Variants in BACC1 observed in about 807,000 individuals in gnomAD.
BACC1 encodes the protein BPTF associated chromatin complex component 1, also known as BPTF-associated chromatin complex component 1.
chr17:7,015,314 G>T, the BACC1 span: 1 of 1,379,622 alleles, frequency 7.2e-7, no homozygotes, highest in Non-Finnish European at 9.3e-7. Context: ...GTGAGGGAAT[G>T]AATGACAGAT....
chr17:7,016,810 G>T, the BACC1 span: 2 of 1,524,270 alleles, frequency 1.3e-6, no homozygotes, highest in Non-Finnish European at 1.8e-6. Flanking sequence ...CCAGAGAGGG[G>T]CAGAGGGGAG....
chr17:7,015,196 G>A, the BACC1 span: 1 of 1,531,150 alleles, frequency 6.5e-7, no homozygotes, highest in South Asian at 1.2e-5. Flanking sequence ...CTGAGAGCGG[G>A]CGCTTGGACT....
chr17:7,016,075 C>A, the BACC1 span: 107 of 568,770 alleles, frequency 1.9e-4, no homozygotes, highest in Non-Finnish European at 3.2e-4. Flanking sequence ...GTAATCCTTC[C>A]AAGAATGTGA....
chr17:7,016,328 C>T, the BACC1 span: 1 of 673,116 alleles, frequency 1.5e-6, no homozygotes, highest in Non-Finnish European at 2.5e-6. Context: ...ACACTCCATC[C>T]ATCCTGAGTG....
chr17:7,015,070 GAT>G, the BACC1 span: 4 of 1,557,408 alleles, frequency 2.6e-6, no homozygotes, highest in Non-Finnish European at 3.4e-6. Flanking sequence ...AGGTCGGAGA[GAT>G]CTTCTCGGCG....
the BACC1 span, chr17:7,016,377 G>A: frequency 6.1e-6 from 7 of 1,153,504 alleles, no homozygotes; most frequent in East Asian, 9.5e-5. Context: ...CTACCAATGG[G>A]TTGGGGCCCC....
the BACC1 span, chr17:7,016,887 C>A: frequency 8.1e-6 from 13 of 1,600,850 alleles, no homozygotes; most frequent in African/African-American, 2.7e-5. Flanking sequence ...GAACCTAGAA[C>A]CTAGCTTATG....
chr17:7,015,735 C>T, the BACC1 span: 1 of 1,577,366 alleles, frequency 6.3e-7, no homozygotes, highest in Non-Finnish European at 8.7e-7. Context: ...CCACACCCCC[C>T]CTCCCATTTT....
the BACC1 span, chr17:7,016,845 G>A: frequency 6.5e-7 from 1 of 1,549,324 alleles, no homozygotes; most frequent in Non-Finnish European, 8.9e-7. Flanking sequence ...AAAGCTTTGG[G>A]AAGCTTGGGG....
chr17:7,015,560 G>A, the BACC1 span: 5 of 1,424,112 alleles, frequency 3.5e-6, no homozygotes, highest in Admixed American at 2.9e-5. Flanking sequence ...CTAAGGTGGA[G>A]GTGGTTGTGA....
the BACC1 span, chr17:7,015,848 T>C: frequency 1.2e-6 from 2 of 1,613,996 alleles, no homozygotes; most frequent in Non-Finnish European, 1.7e-6. Context: ...CTTAATCACA[T>C]CAGCTGTGTC....
At chr17:7,016,934 A>C in the BACC1 span, 18 of 1,613,460 alleles carry the variant, frequency 1.1e-5, no homozygotes, top group Non-Finnish European at 1.4e-5. Context: ...GCTCTGAACG[A>C]CTCCGATGCC....
the BACC1 span, chr17:7,016,647 C>T: frequency 6.2e-7 from 1 of 1,613,754 alleles, no homozygotes; most frequent in Non-Finnish European, 8.5e-7. Flanking sequence ...TCCAGTGTCC[C>T]TGAGGCCGGG....
the BACC1 span, chr17:7,015,144 C>T: frequency 1.9e-6 from 3 of 1,578,514 alleles, no homozygotes; most frequent in Non-Finnish European, 2.6e-6. Flanking sequence ...GTGGCCGACT[C>T]TTCTCCTGCG....
At chr17:7,016,591 A>T in the BACC1 span, 1 of 1,614,052 alleles carries the variant, frequency 6.2e-7, no homozygotes, top group Non-Finnish European at 8.5e-7. Flanking sequence ...AGAAGGTGGC[A>T]TCTGGTGTCT....
chr17:7,017,374 G>T, the BACC1 span: 2 of 1,542,108 alleles, frequency 1.3e-6, no homozygotes, highest in Non-Finnish European at 1.8e-6. Context: ...GATCTCCTGG[G>T]ACTCCGAGCA....
the BACC1 span, chr17:7,015,508 T>G: frequency 7.2e-7 from 1 of 1,398,232 alleles, no homozygotes; most frequent in Non-Finnish European, 9.3e-7. Flanking sequence ...TTCAGTGTGC[T>G]GTGTACAGCA....
chr17:7,015,379 C>A, the BACC1 span: 25 of 1,372,942 alleles, frequency 1.8e-5, no homozygotes, highest in African/African-American at 3.1e-4. Flanking sequence ...CTCCCTGCTG[C>A]GAACGGGTCG....
chr17:7,015,024 G>T, the BACC1 span: 3 of 1,443,268 alleles, frequency 2.1e-6, no homozygotes, highest in Non-Finnish European at 1.8e-6. Flanking sequence ...GACGGGGAGG[G>T]CGGGCGCCGG....
Sources: gnomAD v4.1 joint callset for allele counts on GRCh38, gnomAD v4.1.1 for gene constraint, MANE v1.5 for transcripts, NCBI Gene and HGNC (gene_info 2026-07-23, HGNC 2026-07-21) for gene names.